The following NUP153 variants were observed in gnomAD, a reference collection of about 807,000 sequenced individuals.
The protein encoded by NUP153 is nucleoporin 153.
NUP153 carries 27 observed loss-of-function variants against 134.6 expected under a neutral mutation model. That is an observed-to-expected ratio of 0.20 (90% CI 0.15 to 0.28). The LOEUF (loss-of-function observed/expected upper bound fraction) is 0.28, where lower values mean the gene tolerates loss of function less well. NUP153 is among the 10% of genes least tolerant of loss of function. The pLI is 1.00. For missense variants in NUP153, 1,821 were observed against 1,731.3 expected, an observed-to-expected ratio of 1.05 and a Z score of -0.92; for synonymous variants, 640 against 623.5, an observed-to-expected ratio of 1.03 and a Z score of -0.40.
Position 17,632,846 on chromosome 6 carries a change from T to TGG in NUP153, c.2465-3_2465-2insCC. 1.0e-5 allele frequency: 9 copies of TGG among 864,578 alleles called. No individual in the cohort carries two copies. The East Asian group carries it at 2.0e-4, about 20-fold the overall frequency. 53.6% of individuals were successfully genotyped at this position (864,578 alleles called of 1,614,324 possible). A position where few individuals can be genotyped will look rare whatever the true frequency, so the allele number is the denominator to read the frequency against. ...TACTTGAAGCAGGTACTGAACTTCC[T>TGG]AAAAAAAAAAAAAAAAACGGGGAGT... On this transcript the variant is annotated splice_polypyrimidine_tract_variant and splice_region_variant and intron_variant, in intron 16 of 21. Coordinates refer to ENST00000262077, the MANE Select transcript of NUP153 (RefSeq NM_005124.4).
At chr6:17,655,826 T>C (rs2113807936) in intron 11 of NUP153, among the ~76,000 whole-genome samples, 1 of 152,306 alleles carries the variant, frequency 6.6e-6, no homozygotes, top group Non-Finnish European at 1.5e-5. Context: ...GGTCTCAACA[T>C]ATCTGACTTC....
At position 17,706,323 on chromosome 6, in the gene NUP153, T is replaced by C. The variant is rs749482201; in HGVS notation, c.65A>G (p.His22Arg). 6.2e-7 allele frequency: 1 copy of C among 1,613,656 alleles called. No homozygotes were observed. Residue 22 changes from histidine (H) to arginine (R), a missense_variant, in exon 1 of 22, where the codon CAC (histidine) becomes CGC (arginine). His to Arg is a conservative substitution (Grantham distance 29). Transcript: ENST00000262077. This position sits in a 1 kb window ranked among gnomAD's most constrained non-coding sequence, Gnocchi z 5.9. ...GGGKIRTRRC[H>R]QGPIKPYQQG... ...CTGGTAAGGCTTAATTGGCCCCTGG[T>C]GGCAACGCCGCGTCCGGATCTTGCC...
chr6:17,700,960 C>T (rs542420597), intron 1 of NUP153, among the ~76,000 whole-genome samples: 3 of 152,334 alleles, frequency 2.0e-5, no homozygotes, highest in African/African-American at 7.2e-5. Flanking sequence ...TGGCTCATGC[C>T]TGTAATCCCA....
At chr6:17,690,916 G>T (rs1346374836) in intron 1 of NUP153, among the ~76,000 whole-genome samples, 1 of 152,026 alleles carries the variant, frequency 6.6e-6, no homozygotes, top group Non-Finnish European at 1.5e-5. Context: ...GAGGTGGGTG[G>T]ATCATGAGAT....
chr6:17,693,325 G>C (rs1482001382), intron 1 of NUP153, among the ~76,000 whole-genome samples: 2 of 151,918 alleles, frequency 1.3e-5, no homozygotes, highest in African/African-American at 4.8e-5. Context: ...TTTCTGGTAA[G>C]ACTGCCCCAT....
intron 2 of NUP153, among the ~76,000 whole-genome samples, chr6:17,679,585 T>TG (rs1440646985): frequency 6.6e-6 from 1 of 152,154 alleles, no homozygotes; most frequent in East Asian, 1.9e-4. Flanking sequence ...ACAAAAAAGT[T>TG]GGAGGTCTCA....
rs2113850673 is a variant in NUP153, at chr6:17,688,576, G to A, written c.154C>T (p.Pro52Ser). The change falls in exon 2 of 22, where the codon CCA (proline) becomes TCA (serine). Residue 52 changes from proline (P) to serine (S), a missense_variant. Pro to Ser is a moderately conservative substitution (Grantham distance 74, BLOSUM62 -1). Coordinates refer to ENST00000262077, the MANE Select transcript of NUP153 (RefSeq NM_005124.4). ...RVTESVKNIV[P>S]GWLQRYFNKN... is the part of the protein sequence containing the mutation. ...TTGAAGTATCTTTGTAGCCACCCTG[G>A]CACAATATTCTTAACAGATTCTGTA... The A allele has an allele frequency of 6.2e-7, 1 of 1,613,802 alleles. No individual in the cohort carries two copies. The highest frequency in any genetic ancestry group is 1.1e-5 in the South Asian group (1 of 91,076).
intron 11 of NUP153, among the ~76,000 whole-genome samples, chr6:17,655,578 C>T (rs147912725): frequency 0.019 from 2,931 of 151,848 alleles, 97 homozygotes; most frequent in African/African-American, 0.067. Context: ...CTCAGCTTCC[C>T]GAGTAGCTGG....
chr6:17,658,339 T>G (rs1476811737), intron 11 of NUP153, among the ~76,000 whole-genome samples: 1 of 152,184 alleles, frequency 6.6e-6, no homozygotes, highest in Non-Finnish European at 1.5e-5. Context: ...GAGGCTGCAG[T>G]GAGCTGAGAT....
chr6:17,697,814 AG>A lies in NUP153; in HGVS notation c.111+8462del, dbSNP rs373041462. On this transcript the variant is annotated intron_variant, in intron 1 of 21. Coordinates refer to ENST00000262077, the MANE Select transcript of NUP153 (RefSeq NM_005124.4). ...ACTCAGAAACAGCTGGGGTGGGGGA[AG>A]GCTATTCTATAACACTAACTCAGAA... 8.5e-5 allele frequency among the ~76,000 whole-genome samples: 13 copies of A among 152,290 alleles called. No homozygotes were observed. The East Asian group carries it at 1.9e-3, about 23-fold the overall frequency.
At chr6:17,699,822 T>C (rs1005610103) in intron 1 of NUP153, among the ~76,000 whole-genome samples, 5 of 152,052 alleles carry the variant, frequency 3.3e-5, no homozygotes, top group Non-Finnish European at 7.4e-5. Flanking sequence ...GTGACAGAGC[T>C]AGATTCTGTC....
chr6:17,692,298 T>TGAGACA (rs1769330815), intron 1 of NUP153, among the ~76,000 whole-genome samples: 1 of 152,164 alleles, frequency 6.6e-6, no homozygotes, highest in African/African-American at 2.4e-5. Flanking sequence ...AGAGGAACAG[T>TGAGACA]GAGACAGAGA....
chr6:17,639,874 A>C, intron 15 of NUP153, 65 bp downstream of exon 15: 2 of 1,471,036 alleles, frequency 1.4e-6, no homozygotes, highest in Non-Finnish European at 1.8e-6. Flanking sequence ...AAAGTATAAT[A>C]CAAAATGACA....
In NUP153 at chr6:17,625,880, G is replaced by A. The variant is rs374329933; in HGVS notation, c.3829C>T (p.Pro1277Ser). Residue 1277 changes from proline (P) to serine (S), a missense_variant, in exon 19 of 22, where the codon CCA (proline) becomes TCA (serine). Transcript: ENST00000262077. The surrounding 1 kb of genome is among the most constrained non-coding windows in gnomAD (Gnocchi z 4.7). The part of the protein sequence containing the change: ...GTAVTPFVFG[P>S]GASSNNTTTS... Reference sequence around the variant, plus strand: ...GTAGTATTATTACTGCTGGCTCCTGGACCAAAGACAAATGGGGTGACAGCT... The same window carrying A: ...GTAGTATTATTACTGCTGGCTCCTGAACCAAAGACAAATGGGGTGACAGCT... The A allele has an allele frequency of 3.7e-6, 6 of 1,614,206 alleles. No individual in the cohort carries two copies. Among genetic ancestry groups the A allele is most frequent in the Non-Finnish European group, 5.1e-6 (6 of 1,180,038 alleles).
intron 5 of NUP153, among the ~76,000 whole-genome samples, chr6:17,672,485 AG>A (rs1386696944): frequency 2.6e-5 from 4 of 152,100 alleles, no homozygotes; most frequent in Admixed American, 2.0e-4. Flanking sequence ...CTAAAGTGGG[AG>A]GATCACTTGA....
chr6:17,670,728 T>C (rs1435538134), intron 5 of NUP153, among the ~76,000 whole-genome samples: 1 of 151,230 alleles, frequency 6.6e-6, no homozygotes, highest in African/African-American at 2.4e-5. Flanking sequence ...AAATGTTGGA[T>C]TTTTAAAAAA....
rs1561912913 is a variant in NUP153 at position 17,697,084 on chromosome 6, T to A, written c.112-8466A>T. Among the ~76,000 whole-genome samples, 3 of 150,812 alleles carry A rather than the reference T, an allele frequency of 2.0e-5. No homozygotes were observed. The South Asian group carries it at 6.3e-4, about 32-fold the overall frequency. On this transcript the variant is annotated intron_variant, in intron 1 of 21. Coordinates refer to ENST00000262077, the MANE Select transcript of NUP153 (RefSeq NM_005124.4). Reference sequence around the variant, plus strand: ...AGACTCCGTCTCAAAAAAAAAAAAATTAATCTTAAAAAATACTCTGTGGCC... The same window carrying A: ...AGACTCCGTCTCAAAAAAAAAAAAAATAATCTTAAAAAATACTCTGTGGCC...
intron 21 of NUP153, 101 bp from the exon 22 acceptor site, chr6:17,616,282 T>TGGGGGG (rs3836949): frequency 4.4e-3 from 1,452 of 331,540 alleles, no homozygotes; most frequent in South Asian, 0.017. Context: ...GGGGGTCGGG[T>TGGGGGG]GGGGGGGGAG....
intron 1 of NUP153, among the ~76,000 whole-genome samples, chr6:17,701,532 C>T (rs571306792): frequency 1.2e-4 from 18 of 150,600 alleles, no homozygotes; most frequent in Non-Finnish European, 2.5e-4. Context: ...CGTGGTGGCA[C>T]GTGCCTGTAG....
Sources: allele counts gnomAD v4.1 joint callset (sites outside exome capture counted in the v4.1 genomes callset), GRCh38; gene constraint gnomAD v4.1.1; non-coding constraint Gnocchi (gnomAD v3.1); transcripts MANE v1.5; gene names NCBI Gene and HGNC (gene_info 2026-07-23, HGNC 2026-07-21).